The following FBXL17 variants were observed in gnomAD, a reference collection of about 807,000 sequenced individuals.
FBXL17 encodes F-box/LRR-repeat protein 17.
In FBXL17, 22 loss-of-function variants were observed where a neutral mutation model predicts 66.2. The ratio of observed to expected loss-of-function variants is 0.33; its 90% confidence interval spans 0.24 to 0.47. The LOEUF (loss-of-function observed/expected upper bound fraction) is 0.47, where lower values mean the gene tolerates loss of function less well. Among genes scored for constraint, FBXL17 ranks in the 20% least tolerant of loss-of-function variants. The pLI, the probability that FBXL17 is intolerant of heterozygous loss-of-function variation, is 1.00. For missense variants in FBXL17, 878 were observed against 948.2 expected (o/e 0.93, Z 0.97); for synonymous variants, 474 against 400.5 (o/e 1.18, Z -2.19).
intron 4 of FBXL17, among the ~76,000 whole-genome samples, chr5:108,311,892 A>G (rs1759137231): frequency 6.6e-6 from 1 of 152,148 alleles, no homozygotes; most frequent in Non-Finnish European, 1.5e-5. Flanking sequence ...CGTTCTAGGT[A>G]CTTATGTAAG....
chr5:108,015,135 GGAATATAAATCTGGTAAAGGGGAA>G (rs1754333775), intron 7 of FBXL17, among the ~76,000 whole-genome samples: 1 of 151,830 alleles, frequency 6.6e-6, no homozygotes, highest in Non-Finnish European at 1.5e-5. Context: ...TGTAACAGTA[GGAATATAAATCTGGTAAAGGGGAA>G]CTCCAGGAAT....
intron 4 of FBXL17, among the ~76,000 whole-genome samples, chr5:108,266,884 C>G (rs1318745443): frequency 6.6e-6 from 1 of 152,036 alleles, no homozygotes; most frequent in Non-Finnish European, 1.5e-5. Flanking sequence ...TTAGCACTAT[C>G]TGTGGTTTCA....
intron 7 of FBXL17, among the ~76,000 whole-genome samples, chr5:107,983,338 C>T (rs1752894557): frequency 6.6e-6 from 1 of 151,978 alleles, no homozygotes. Flanking sequence ...ACTACAGGCA[C>T]GCGCCACTAT....
In FBXL17 at chr5:108,009,256, CTG is replaced by C. The variant is rs1754062287; in HGVS notation, c.1822+11667_1822+11668del. ...ATACAGCTTGGTCGTGAGTTGTTCCCTGTTTTATATATATATATATATATATA... is the reference window on the plus strand; with the variant it reads ...ATACAGCTTGGTCGTGAGTTGTTCCCTTTTATATATATATATATATATATA... On this transcript the variant is annotated intron_variant, in intron 7 of 8. Coordinates refer to ENST00000542267, the MANE Select transcript of FBXL17 (RefSeq NM_001163315.3). Among the ~76,000 whole-genome samples the C allele has an allele frequency of 2.6e-4, 2 of 7,624 alleles. 1 individual carries two copies. Among genetic ancestry groups the C allele is most frequent in the Non-Finnish European group, 6.3e-4 (2 of 3,192 alleles). 5.0% of individuals were successfully genotyped at this position (7,624 alleles called of 152,430 possible).
intron 7 of FBXL17, among the ~76,000 whole-genome samples, chr5:107,958,434 T>C (rs1161069059): frequency 6.6e-6 from 1 of 152,198 alleles, no homozygotes; most frequent in East Asian, 1.9e-4. Context: ...GCTAGAAAAT[T>C]TGAGAATCAA....
intron 2 of FBXL17, among the ~76,000 whole-genome samples, chr5:108,367,190 A>G (rs753147301): frequency 9.9e-5 from 15 of 152,126 alleles, no homozygotes; most frequent in Non-Finnish European, 2.2e-4. Flanking sequence ...AAATACCATC[A>G]AGTTTTAAAA....
chr5:108,079,788 A>G (rs1027114622), intron 6 of FBXL17, among the ~76,000 whole-genome samples: 8 of 152,236 alleles, frequency 5.3e-5, no homozygotes, highest in Non-Finnish European at 7.3e-5. Context: ...TAGGTTGCAT[A>G]AAACAGGCTT....
intron 5 of FBXL17, among the ~76,000 whole-genome samples, chr5:108,194,214 T>C (rs1247620444): frequency 6.6e-6 from 1 of 152,206 alleles, no homozygotes; most frequent in African/African-American, 2.4e-5. Context: ...TTGTTCTCAC[T>C]ACGCTCGGTG....
At chr5:108,232,240 T>C (rs1490474189) in intron 4 of FBXL17, among the ~76,000 whole-genome samples, 2 of 152,220 alleles carry the variant, frequency 1.3e-5, no homozygotes, top group Non-Finnish European at 2.9e-5. Flanking sequence ...TAAGTATTGT[T>C]AACTTTATGT....
At chr5:107,890,004 C>G (rs767280758) in intron 7 of FBXL17, among the ~76,000 whole-genome samples, 9 of 151,980 alleles carry the variant, frequency 5.9e-5, no homozygotes, top group Non-Finnish European at 1.2e-4. Flanking sequence ...TGTTAGGTTC[C>G]CCTGACAATC....
chr5:107,910,225 G>A (rs1345139668), intron 7 of FBXL17, among the ~76,000 whole-genome samples: 1 of 151,964 alleles, frequency 6.6e-6, no homozygotes, highest in Non-Finnish European at 1.5e-5. Context: ...TAATACAATT[G>A]GGCCTGACTG....
chr5:107,875,634 A>C (rs192138976), intron 8 of FBXL17, among the ~76,000 whole-genome samples: 1 of 152,156 alleles, frequency 6.6e-6, no homozygotes, highest in African/African-American at 2.4e-5. Flanking sequence ...ATTTTAAAAA[A>C]TCTCTCTCCC....
chr5:108,326,753 C>T (rs1759875746), intron 4 of FBXL17, among the ~76,000 whole-genome samples: 1 of 152,098 alleles, frequency 6.6e-6, no homozygotes, highest in Non-Finnish European at 1.5e-5. Context: ...AGAGTCAAAA[C>T]CACAATAAGG....
intron 6 of FBXL17, among the ~76,000 whole-genome samples, chr5:108,121,329 A>T (rs1003783683): frequency 1.3e-5 from 2 of 152,272 alleles, no homozygotes; most frequent in East Asian, 3.9e-4. Context: ...TCCATCTCAA[A>T]AAAAAAAGAA....
Position 108,382,015 on chromosome 5 carries a change from C to G in FBXL17, c.-324G>C. 1 of 1,117,566 alleles carries G rather than the reference C, an allele frequency of 8.9e-7. No individual in the cohort carries two copies. The highest frequency in any genetic ancestry group is 1.1e-6 in the Non-Finnish European group (1 of 908,350). The allele number at this position is 1,117,566 out of a possible 1,614,324, so 69.2% of individuals were successfully genotyped here. A position where few individuals can be genotyped will look rare whatever the true frequency, so the allele number is the denominator to read the frequency against. ...GGCCCGGCCAGCCGGCTCAGTCAGT[C>G]AGCGGAGCGGCCGGGGAAAGGCCGG... On this transcript the variant is annotated 5_prime_UTR_variant, in exon 1 of 9. Coordinates refer to ENST00000542267, the MANE Select transcript of FBXL17 (RefSeq NM_001163315.3).
chr5:108,298,577 C>T, intron 4 of FBXL17: 1 of 952,304 alleles, frequency 1.1e-6, no homozygotes, highest in Non-Finnish European at 1.2e-6. Context: ...AGATGGGAAA[C>T]AATGTTGTAA....
Position 108,366,689 on chromosome 5 carries a change from A to G in FBXL17, c.1116+1142T>C, listed in dbSNP as rs181977166. Reference sequence around the variant, plus strand: ...ATTGCTTTACACATATCTGCTCTCCATTCTACTGCCCACAACTAACTCCCT... The same window carrying G: ...ATTGCTTTACACATATCTGCTCTCCGTTCTACTGCCCACAACTAACTCCCT... On this transcript the variant is annotated intron_variant, in intron 2 of 8. Transcript: ENST00000542267. 2.4e-3 allele frequency among the ~76,000 whole-genome samples: 365 copies of G among 152,172 alleles called. 3 individuals are homozygous for G. The highest frequency in any genetic ancestry group is 0.022 in the Admixed American group (339 of 15,250).
intron 4 of FBXL17, among the ~76,000 whole-genome samples, chr5:108,328,333 T>A (rs1312285874): frequency 6.6e-6 from 1 of 151,882 alleles, no homozygotes; most frequent in Non-Finnish European, 1.5e-5. Context: ...TTAAAAAAAA[T>A]AAACAAAAAC....
At chr5:108,084,249 T>A (rs1748885064) in intron 6 of FBXL17, among the ~76,000 whole-genome samples, 1 of 152,204 alleles carries the variant, frequency 6.6e-6, no homozygotes, top group African/African-American at 2.4e-5. Flanking sequence ...AGTCAGAGGA[T>A]CTTGGCAACA....
Sources: allele counts gnomAD v4.1 joint callset (sites outside exome capture counted in the v4.1 genomes callset), GRCh38; gene constraint gnomAD v4.1.1; transcripts MANE v1.5; gene names NCBI Gene and HGNC (gene_info 2026-07-23, HGNC 2026-07-21).